DMGDH: variants seen among roughly 807,000 people sequenced by gnomAD.
DMGDH encodes dimethylglycine dehydrogenase, also known as dimethylglycine dehydrogenase, mitochondrial.
Under a neutral mutation model 95.2 loss-of-function variants are expected in DMGDH, and 76 were observed. The observed-to-expected ratio is 0.80, with a 90% CI of 0.66 to 0.97. The LOEUF (loss-of-function observed/expected upper bound fraction) is 0.97, where lower values mean the gene tolerates loss of function less well. Ranked by LOEUF, DMGDH falls within the 50% of genes least tolerant of loss-of-function variation. DMGDH has a pLI of 0.00. For missense variants in DMGDH, 987 were observed against 1,055.0 expected (o/e 0.94, Z 0.89); for synonymous variants, 345 against 377.6 (o/e 0.91, Z 1.00).
rs1453004012 is a variant in DMGDH, at chr5:79,030,000, G to T, written c.1718C>A (p.Pro573His). 3 of 1,613,688 alleles carry T rather than the reference G, an allele frequency of 1.9e-6. No individual in the cohort carries two copies. The highest frequency in any genetic ancestry group is 2.2e-5 in the South Asian group (2 of 91,024). ...GFTNISHMLT[P>H]KGRVYAELTV... ...CAGCTCAGCATACACTCGACCCTTGGGTGTTAACATGTGACTTATATTTGT... is the reference window on the plus strand; with the variant it reads ...CAGCTCAGCATACACTCGACCCTTGTGTGTTAACATGTGACTTATATTTGT... The change falls in exon 11 of 16, where the codon CCC becomes CAC. Residue 573 changes from proline to histidine, a missense_variant. Physicochemically the swap from Pro to His is moderately conservative, Grantham distance 77. Coordinates refer to ENST00000255189, the MANE Select transcript of DMGDH (RefSeq NM_013391.3).
intron 14 of DMGDH, among the ~76,000 whole-genome samples, chr5:79,012,597 C>T (rs1753663769): frequency 6.6e-6 from 1 of 152,256 alleles, no homozygotes; most frequent in Non-Finnish European, 1.5e-5. Flanking sequence ...TCCACCCTTG[C>T]AGCAGGCTTC....
chr5:79,033,372 A>ATATTTCC lies in DMGDH; in HGVS notation c.1223_1229dup (p.Tyr410Ter). On this transcript the variant is annotated stop_gained and frameshift_variant, in exon 8 of 16. Transcript: ENST00000255189. LOFTEE classifies it high-confidence loss of function. ...CTCCATGCAGGATCCAGTCACTGAGATATTTCCCTACCCCACCAGCGTGGA... is the reference window on the plus strand; with the variant it reads ...CTCCATGCAGGATCCAGTCACTGAGATATTTCCTATTTCCCTACCCCACCAGCGTGGA... 2 of 1,614,172 alleles carry ATATTTCC rather than the reference A, an allele frequency of 1.2e-6. No individual in the cohort carries two copies. The highest frequency in any genetic ancestry group is 1.7e-6 in the Non-Finnish European group (2 of 1,180,044).
chr5:79,050,234 G>A (rs1754802168), intron 5 of DMGDH, among the ~76,000 whole-genome samples: 1 of 83,604 alleles, frequency 1.2e-5, no homozygotes, highest in African/African-American at 4.4e-5. Context: ...GGGCACAAGA[G>A]CAAAACTTTG....
chr5:79,032,674 G>T lies in DMGDH; in HGVS notation c.1517+13C>A. 2 of 1,614,084 alleles carry T rather than the reference G, an allele frequency of 1.2e-6. No homozygotes were observed. The highest frequency in any genetic ancestry group is 1.7e-5 in the Admixed American group (1 of 60,014). On this transcript the variant is annotated intron_variant, in intron 9 of 15. Coordinates refer to ENST00000255189, the MANE Select transcript of DMGDH (RefSeq NM_013391.3). Reference sequence around the variant, plus strand: ...TCGGTCAGAACCACAGGCAGGTAAAGTCCTTCTCCCACCTGTACTGAGTGT... The same window carrying T: ...TCGGTCAGAACCACAGGCAGGTAAATTCCTTCTCCCACCTGTACTGAGTGT...
Position 79,055,858 on chromosome 5 carries a change from A to G in DMGDH, c.327T>C (p.His109=). The G allele has an allele frequency of 6.2e-7, 1 of 1,612,816 alleles. No individual in the cohort carries two copies. The highest frequency in any genetic ancestry group is 8.5e-7 in the Non-Finnish European group (1 of 1,178,840). Residue 109 remains histidine (H), a synonymous_variant, in exon 3 of 16, where the codon CAT becomes CAC. Transcript: ENST00000255189. ...FHPGINLKKI[H]YDSIKLYEKL... ...TCTCATAAAGTTTGATGCTATCATA[A>G]TGTATTTTCTTCAAGTTTATTCCAG...
chr5:79,008,552 G>A (rs546794687), intron 14 of DMGDH, among the ~76,000 whole-genome samples: 3 of 152,266 alleles, frequency 2.0e-5, no homozygotes, highest in East Asian at 3.9e-4. Context: ...CTCTGGAGGC[G>A]ATGTGGTGGA....
intron 14 of DMGDH, among the ~76,000 whole-genome samples, chr5:79,018,594 T>C (rs563171133): frequency 6.6e-5 from 10 of 152,304 alleles, no homozygotes; most frequent in Non-Finnish European, 1.0e-4. Flanking sequence ...CTATCTTCAC[T>C]GCGGTGATGG....
At chr5:79,049,283 T>A (rs1274357600) in intron 5 of DMGDH, among the ~76,000 whole-genome samples, 1 of 147,770 alleles carries the variant, frequency 6.8e-6, no homozygotes, top group Non-Finnish European at 1.5e-5. Context: ...AGAAAAAAAA[T>A]GTATTACAAT....
chr5:79,032,806 C>G lies in DMGDH; in HGVS notation c.1398G>C (p.Arg466Ser), dbSNP rs2112629958. The G allele has an allele frequency of 6.2e-7, 1 of 1,614,150 alleles. No homozygotes were observed. Among genetic ancestry groups the G allele is most frequent in the East Asian group, 2.2e-5 (1 of 44,882 alleles). ...AGAGCCCACTGACTCGTTGAGTCGG[C>G]CTCCCAGCAAACCGTTCTTCTTTAG... ...GYPKEERFAG[R>S]PTQRVSGLYQ... Residue 466 changes from arginine to serine, a missense_variant, in exon 9 of 16, where the codon AGG becomes AGC. By Grantham distance (110) the Arg-to-Ser change is moderately radical (BLOSUM62 -1). Coordinates refer to ENST00000255189, the MANE Select transcript of DMGDH (RefSeq NM_013391.3).
Position 79,005,366 on chromosome 5 carries a change from T to C in DMGDH, c.2292A>G (p.Lys764=), listed in dbSNP as rs1753527094. 6.2e-7 allele frequency: 1 copy of C among 1,613,984 alleles called. No individual in the cohort carries two copies. The highest frequency in any genetic ancestry group is 1.3e-5 in the African/African-American group (1 of 74,938). ...FIGKQALKQI[K]AKGLKRRLVC... ...CCAGTCTTCGTTTCAGCCCCTTGGCTTTAATCTGTTTCAGTGCTTGCTTTC... is the reference window on the plus strand; with the variant it reads ...CCAGTCTTCGTTTCAGCCCCTTGGCCTTAATCTGTTTCAGTGCTTGCTTTC... The change falls in exon 15 of 16, where the codon AAA becomes AAG. Residue 764 remains lysine, a synonymous_variant. Transcript: ENST00000255189.
chr5:79,069,655 C>CA lies in DMGDH; in HGVS notation c.-36_-35insT. The CA allele has an allele frequency of 7.6e-7, 1 of 1,310,052 alleles. No individual in the cohort carries two copies. The highest frequency in any genetic ancestry group is 3.1e-5 in the East Asian group (1 of 31,770). 81.2% of individuals were successfully genotyped at this position (1,310,052 alleles called of 1,614,324 possible). A position where few individuals can be genotyped will look rare whatever the true frequency, so the allele number is the denominator to read the frequency against. ...GAGGCCGAGGGCGCAGGCGCCTGCT[C>CA]CGAGGCCAGCGGGCAGCCTGAGGCC... On this transcript the variant is annotated 5_prime_UTR_variant, in exon 1 of 16. Coordinates refer to ENST00000255189, the MANE Select transcript of DMGDH (RefSeq NM_013391.3).
At chr5:79,061,114 AG>A (rs1437881998) in intron 2 of DMGDH, among the ~76,000 whole-genome samples, 2 of 151,692 alleles carry the variant, frequency 1.3e-5, no homozygotes, top group Non-Finnish European at 2.9e-5. Context: ...TCCCAGCTAC[AG>A]GTGCTGATGT....
chr5:79,026,005 A>C (rs983213609), intron 13 of DMGDH, among the ~76,000 whole-genome samples: 1 of 152,256 alleles, frequency 6.6e-6, no homozygotes, highest in African/African-American at 2.4e-5. Flanking sequence ...TGGTGGAGGA[A>C]GGCTGGACCA....
chr5:79,031,098 A>T (rs1561216312), intron 9 of DMGDH, 100 bp from the exon 10 acceptor site: 1 of 1,263,322 alleles, frequency 7.9e-7, no homozygotes, highest in Non-Finnish European at 1.1e-6. Flanking sequence ...AGAAAATCCT[A>T]CGGGCAGCGG....
intron 13 of DMGDH, among the ~76,000 whole-genome samples, chr5:79,025,965 C>A (rs1753990958): frequency 6.6e-6 from 1 of 152,266 alleles, no homozygotes; most frequent in African/African-American, 2.4e-5. Context: ...AAGCACTATA[C>A]AAATAGAAAC....
At position 79,044,380 on chromosome 5, in the gene DMGDH, C is replaced by T. The variant is rs758577214; in HGVS notation, c.918G>A (p.Gly306=). 9.9e-6 allele frequency: 16 copies of T among 1,614,138 alleles called. 1 individual carries two copies. The South Asian group carries it at 1.8e-4, about 18-fold the overall frequency. The change falls in exon 6 of 16, where the codon GGG becomes GGA. Residue 306 remains glycine (G), a synonymous_variant. Transcript: ENST00000255189. ...GACTTTCATATGGACCAAACAAAAG[C>T]CCATCCCTTTCCTGTCGGAGATAAT... ...GSYYLRQERD[G]LLFGPYESQE... is the part of the protein sequence containing the mutation.
At chr5:79,017,091 T>C (rs1753747617) in intron 14 of DMGDH, among the ~76,000 whole-genome samples, 1 of 152,070 alleles carries the variant, frequency 6.6e-6, no homozygotes, top group Non-Finnish European at 1.5e-5. Flanking sequence ...ATAAAACTTC[T>C]AGAAGAAAAC....
chr5:79,063,730 C>T lies in DMGDH; in HGVS notation c.159G>A (p.Val53=), dbSNP rs1448272269. The T allele has an allele frequency of 1.2e-6, 2 of 1,614,176 alleles. No homozygotes were observed. The highest frequency in any genetic ancestry group is 2.7e-5 in the African/African-American group (2 of 75,056). The part of the protein sequence containing the change: ...ETQWKDRAET[V]IIGGGCVGVS... ...CACCAACACAGCCACCTCCAATTAT[C>T]ACTGTTTCTGCTCTGTCTTTCCATT... is the stretch of plus-strand genomic sequence containing the variant. Residue 53 remains valine, a synonymous_variant, in exon 2 of 16, where the codon GTG becomes GTA. Transcript: ENST00000255189.
intron 1 of DMGDH, among the ~76,000 whole-genome samples, chr5:79,066,752 G>T (rs1200856671): frequency 6.6e-6 from 1 of 152,150 alleles, no homozygotes; most frequent in Non-Finnish European, 1.5e-5. Context: ...ATGTTGGTTT[G>T]TCCTGATATT....
Sources: gnomAD v4.1 joint callset for allele counts (sites outside exome capture counted in the v4.1 genomes callset) on GRCh38, gnomAD v4.1.1 for gene constraint, MANE v1.5 for transcripts, NCBI Gene and HGNC (gene_info 2026-07-23, HGNC 2026-07-21) for gene names.